ANK3: variants seen among roughly 807,000 people sequenced by gnomAD.
ANK3 encodes ankyrin-3.
In ANK3, 57 loss-of-function variants were observed where a neutral mutation model predicts 370.9. That is an observed-to-expected ratio of 0.15 (90% CI 0.12 to 0.19). The LOEUF is 0.19. Among genes scored for constraint, ANK3 ranks in the 10% least tolerant of loss-of-function variants. The pLI is 1.00. For synonymous variants in ANK3, 1,929 were observed against 1,946.3 expected (o/e 0.99, Z 0.23); for missense variants, 4,439 against 5,302.1 (o/e 0.84, Z 5.06).
At chr10:60,226,907 T>C (rs907025939) in intron 8 of ANK3, among the ~76,000 whole-genome samples, 3 of 151,298 alleles carry the variant, frequency 2.0e-5, no homozygotes, top group Admixed American at 6.6e-5. Flanking sequence ...GACCTCACAA[T>C]AGATTGATAT....
chr10:60,644,861 T>A (rs2078688551), intron 1 of ANK3, among the ~76,000 whole-genome samples: 1 of 103,434 alleles, frequency 9.7e-6, no homozygotes, highest in African/African-American at 3.0e-5. Context: ...AAGCTGAGAT[T>A]CAGGCCTGAA....
intron 5 of ANK3, among the ~76,000 whole-genome samples, chr10:60,264,896 T>C (rs1478235959): frequency 6.6e-6 from 1 of 152,200 alleles, no homozygotes; most frequent in Non-Finnish European, 1.5e-5. Flanking sequence ...TCTTGGCTTC[T>C]GTGACCATTG....
At chr10:60,277,849 G>A (rs12783491) in intron 4 of ANK3, among the ~76,000 whole-genome samples, 16,646 of 152,234 alleles carry the variant, frequency 0.11, 1,196 homozygotes, top group Non-Finnish European at 0.16. Context: ...AAGGATGGAA[G>A]TCAGCATTCG....
intron 33 of ANK3, among the ~76,000 whole-genome samples, chr10:60,083,093 T>G (rs1228769185): frequency 1.3e-5 from 2 of 152,206 alleles, no homozygotes; most frequent in Non-Finnish European, 2.9e-5. Flanking sequence ...TCTCTCCTTC[T>G]GTTCTTGGAG....
chr10:60,353,109 A>G (rs985545968), intron 1 of ANK3, among the ~76,000 whole-genome samples: 3 of 151,408 alleles, frequency 2.0e-5, no homozygotes, highest in Admixed American at 1.3e-4. Flanking sequence ...TCGGACCACA[A>G]ATAGCTGGGG....
In ANK3 at chr10:60,027,791, G is replaced by C. The variant is rs2072476426; in HGVS notation, c.*2055C>G. 6.6e-6 allele frequency: 1 copy of C among 152,188 alleles called. No individual in the cohort carries two copies. The highest frequency in any genetic ancestry group is 1.5e-5 in the Non-Finnish European group (1 of 68,038). 9.4% of individuals were successfully genotyped at this position (152,188 alleles called of 1,614,324 possible). ...ATGGTCTCTGCCTCAGTAGAATTTA[G>C]ATTCACGCAGTGTATGGGTTGCAAA... On this transcript the variant is annotated 3_prime_UTR_variant, in exon 44 of 44. Transcript: ENST00000280772.
At chr10:60,206,252 C>T (rs895154698) in intron 10 of ANK3, among the ~76,000 whole-genome samples, 3 of 152,136 alleles carry the variant, frequency 2.0e-5, no homozygotes, top group African/African-American at 7.2e-5. Context: ...GTGGGTGGAT[C>T]ACCTGAGGTC....
rs1030021395 is a variant in ANK3, at chr10:60,071,854, A to G, written c.9027T>C (p.Phe3009=). 8 of 1,613,932 alleles carry G rather than the reference A, an allele frequency of 5.0e-6. No individual in the cohort carries two copies. Among genetic ancestry groups the G allele is most frequent in the Non-Finnish European group, 6.8e-6 (8 of 1,179,954 alleles). ...TAACTTTTTCATCTTCTATAGAATTAAAGTGCTGTGTCTCAACTGTCTCTT... is the reference window on the plus strand; with the variant it reads ...TAACTTTTTCATCTTCTATAGAATTGAAGTGCTGTGTCTCAACTGTCTCTT... ...MSKETVETQH[F]NSIEDEKVTY... Residue 3009 remains phenylalanine, a synonymous_variant, in exon 37 of 44, where the codon TTT becomes TTC. Transcript: ENST00000280772.
intron 1 of ANK3, chr10:60,684,355 C>G (rs2079239278): frequency 2.2e-6 from 1 of 452,572 alleles, no homozygotes; most frequent in Non-Finnish European, 3.9e-6. Context: ...GAACAGGTAT[C>G]AGCACACCTC....
Position 60,196,522 on chromosome 10 carries a change from CT to C in ANK3, c.1788+4del. On this transcript the variant is annotated splice_donor_region_variant and intron_variant, in intron 15 of 43. Transcript: ENST00000280772. ...CCTGCTTCAGGGTGGCTGGTGACCT[CT>C]TACCTTCCCAGCAGCATCTGGAGAT... The C allele has an allele frequency of 6.2e-7, 1 of 1,604,430 alleles. No homozygotes were observed.
At chr10:60,268,505 G>T (rs1167830405) in intron 5 of ANK3, among the ~76,000 whole-genome samples, 4 of 151,978 alleles carry the variant, frequency 2.6e-5, no homozygotes, top group Admixed American at 2.6e-4. Flanking sequence ...AAGCCAAATA[G>T]TTCTGAATAA....
chr10:60,577,592 T>C (rs185941804), intron 2 of ANK3, among the ~76,000 whole-genome samples: 1 of 152,322 alleles, frequency 6.6e-6, no homozygotes, highest in African/African-American at 2.4e-5. Context: ...AGATGTGCCT[T>C]TCTCCTTCCA....
chr10:60,405,850 T>C (rs2063445236), intron 2 of ANK3, among the ~76,000 whole-genome samples: 1 of 152,326 alleles, frequency 6.6e-6, no homozygotes, highest in South Asian at 2.1e-4. Flanking sequence ...GGCAGGTATG[T>C]GGGCATTCAT....
At chr10:60,298,415 A>G (rs1436323771) in intron 1 of ANK3, among the ~76,000 whole-genome samples, 2 of 152,154 alleles carry the variant, frequency 1.3e-5, no homozygotes, top group African/African-American at 4.8e-5. Context: ...TCATGCAGAT[A>G]AAGTGTTCAG....
chr10:60,133,006 C>A (rs968333867), intron 25 of ANK3, among the ~76,000 whole-genome samples: 5 of 152,112 alleles, frequency 3.3e-5, no homozygotes, highest in Admixed American at 3.3e-4. Context: ...TAAGAATGTT[C>A]TAGAGAGTAA....
intron 40 of ANK3, chr10:60,060,479 A>AACTT (rs2080199192): frequency 6.6e-6 from 1 of 152,314 alleles, no homozygotes; most frequent in South Asian, 2.1e-4. Context: ...AATTACCTAC[A>AACTT]ACTTATTTTA....
At chr10:60,135,864 A>G (rs1381478808) in intron 24 of ANK3, among the ~76,000 whole-genome samples, 1 of 152,150 alleles carries the variant, frequency 6.6e-6, no homozygotes, top group East Asian at 1.9e-4. Flanking sequence ...AGGTACGTAC[A>G]TTCTTCTAGG....
chr10:60,198,625 T>G (rs2096623129), intron 13 of ANK3, 88 bp from the exon 14 acceptor site: 1 of 1,210,578 alleles, frequency 8.3e-7, no homozygotes, highest in Non-Finnish European at 1.2e-6. Context: ...AGCTGCTTGA[T>G]GTAAGAGGTA....
At chr10:60,122,568 A>G (rs941318111) in intron 25 of ANK3, among the ~76,000 whole-genome samples, 1 of 152,262 alleles carries the variant, frequency 6.6e-6, no homozygotes, top group Non-Finnish European at 1.5e-5. Context: ...TTTTGTGATC[A>G]TTAGCAGATT....
Sources: allele counts gnomAD v4.1 joint callset (sites outside exome capture counted in the v4.1 genomes callset), GRCh38; gene constraint gnomAD v4.1.1; transcripts MANE v1.5; gene names NCBI Gene and HGNC (gene_info 2026-07-23, HGNC 2026-07-21).